Variants in ROBO1 observed in about 807,000 individuals in gnomAD.
ROBO1 encodes the protein roundabout guidance receptor 1, also known as roundabout homolog 1.
Under a neutral mutation model 195.9 loss-of-function variants are expected in ROBO1, and 149 were observed. The ratio of observed to expected loss-of-function variants is 0.76; its 90% CI spans 0.67 to 0.87. The LOEUF (loss-of-function observed/expected upper bound fraction) is 0.87, where lower values mean the gene tolerates loss of function less well. ROBO1 is among the 40% of genes least tolerant of loss of function. The probability of loss-of-function intolerance (pLI) is 0.00; values close to 1 mark genes in which losing one functional copy is unlikely to be tolerated. For synonymous variants in ROBO1, 816 were observed against 733.2 expected (o/e 1.11, Z -1.82); for missense variants, 1,933 against 2,068.3 (o/e 0.93, Z 1.27).
At chr3:79,555,373 C>A (rs1175685119) in intron 2 of ROBO1, among the ~76,000 whole-genome samples, 1 of 151,964 alleles carries the variant, frequency 6.6e-6, no homozygotes, top group Non-Finnish European at 1.5e-5. Context: ...CTACAAGAAG[C>A]ATATGATTAA....
intron 3 of ROBO1, chr3:79,018,626 G>T: frequency 6.9e-7 from 1 of 1,448,696 alleles, no homozygotes; most frequent in Non-Finnish European, 9.1e-7. Context: ...CTTTCCGGAC[G>T]CTTGTCAGTA....
intron 2 of ROBO1, among the ~76,000 whole-genome samples, chr3:79,290,166 G>T (rs548755703): frequency 1.3e-5 from 2 of 152,136 alleles, no homozygotes; most frequent in Admixed American, 6.5e-5. Flanking sequence ...AGCCTCCCTA[G>T]TAGCTGGGAG....
intron 2 of ROBO1, among the ~76,000 whole-genome samples, chr3:79,491,200 A>G (rs1939435185): frequency 6.7e-6 from 1 of 148,418 alleles, no homozygotes; most frequent in Non-Finnish European, 1.5e-5. Flanking sequence ...AATGGAAGGA[A>G]AGGGGTGGAC....
At chr3:79,688,032 T>C (rs2107046934) in intron 1 of ROBO1, among the ~76,000 whole-genome samples, 1 of 152,112 alleles carries the variant, frequency 6.6e-6, no homozygotes, top group Non-Finnish European at 1.5e-5. Flanking sequence ...ATGGAATCTA[T>C]GCAGCCATAA....
intron 16 of ROBO1, chr3:78,660,590 C>T (rs1707332279): frequency 6.4e-6 from 1 of 157,090 alleles, no homozygotes; most frequent in Admixed American, 6.3e-5. Flanking sequence ...TTGTCTAGAA[C>T]TGAGGTGTTT....
At position 78,670,312 on chromosome 3, in the gene ROBO1, AAAC is replaced by A. The variant is rs1707995510; in HGVS notation, c.1343-14_1343-12del. On this transcript the variant is annotated splice_polypyrimidine_tract_variant and intron_variant, in intron 10 of 30. Coordinates refer to ENST00000464233, the MANE Select transcript of ROBO1 (RefSeq NM_002941.4). The stretch of plus-strand genomic sequence containing the variant: ...GCCGATCTGCAATCACTGCCAGAAG[AAAC>A]AACAGGAAATAGATTTCTGCAACTG... 2 of 1,551,332 alleles carry A rather than the reference AAAC, an allele frequency of 1.3e-6. No individual in the cohort carries two copies. Among genetic ancestry groups the A allele is most frequent in the Admixed American group, 2.0e-5 (1 of 51,076 alleles).
At chr3:79,123,444 T>G (rs1021204620) in intron 3 of ROBO1, among the ~76,000 whole-genome samples, 11 of 152,046 alleles carry the variant, frequency 7.2e-5, no homozygotes, top group Admixed American at 3.3e-4. Context: ...ACAGTTGTCA[T>G]GATGCAGTCA....
chr3:79,113,715 C>T (rs890829104), intron 3 of ROBO1, among the ~76,000 whole-genome samples: 8 of 151,964 alleles, frequency 5.3e-5, no homozygotes, highest in South Asian at 4.2e-4. Context: ...TGCAGTGAGC[C>T]GAGATCCTGC....
intron 2 of ROBO1, among the ~76,000 whole-genome samples, chr3:79,136,229 T>G (rs1226865792): frequency 6.6e-6 from 1 of 152,154 alleles, no homozygotes; most frequent in African/African-American, 2.4e-5. Flanking sequence ...ATTCAGAATT[T>G]TATTTATTTA....
chr3:79,383,197 C>A (rs2036629360), intron 2 of ROBO1, among the ~76,000 whole-genome samples: 1 of 152,060 alleles, frequency 6.6e-6, no homozygotes, highest in Non-Finnish European at 1.5e-5. Flanking sequence ...CAATGCCACA[C>A]AATGAAATGT....
At chr3:79,149,799 C>T (rs955978855) in intron 2 of ROBO1, among the ~76,000 whole-genome samples, 6 of 151,740 alleles carry the variant, frequency 4.0e-5, no homozygotes, top group Non-Finnish European at 7.4e-5. Flanking sequence ...GCATGTCCAT[C>T]GCCCAAGTTC....
chr3:78,747,511 C>A (rs13068833), intron 4 of ROBO1, among the ~76,000 whole-genome samples: 145,596 of 152,208 alleles, frequency 0.96, 69,947 homozygotes, highest in East Asian at 1. Context: ...ATTACTGAGA[C>A]TGTTAGAAGG....
chr3:79,392,170 A>G (rs2036977910), intron 2 of ROBO1, among the ~76,000 whole-genome samples: 1 of 152,178 alleles, frequency 6.6e-6, no homozygotes, highest in African/African-American at 2.4e-5. Context: ...GCAACCACGG[A>G]ATGGACATTC....
chr3:78,828,935 T>C (rs1195274595), intron 4 of ROBO1, among the ~76,000 whole-genome samples: 8 of 152,212 alleles, frequency 5.3e-5, no homozygotes, highest in Admixed American at 5.2e-4. Flanking sequence ...AAAAAAACTT[T>C]CATATATTCT....
At chr3:79,728,370 A>C (rs950872378) in intron 1 of ROBO1, among the ~76,000 whole-genome samples, 1 of 152,152 alleles carries the variant, frequency 6.6e-6, no homozygotes, top group African/African-American at 2.4e-5. Flanking sequence ...TTGATAAAGA[A>C]AACATGTATG....
intron 5 of ROBO1, among the ~76,000 whole-genome samples, chr3:78,740,442 TTTTCTTTTTTTCTTTC>T (rs1226166558): frequency 3.2e-5 from 2 of 61,668 alleles, no homozygotes; most frequent in African/African-American, 4.9e-5. Context: ...TATTTCTTAT[TTTTCTTTTTTTCTTTC>T]TTTCTTTCTT....
intron 3 of ROBO1, among the ~76,000 whole-genome samples, chr3:78,979,686 G>C (rs1330785305): frequency 6.6e-6 from 1 of 152,022 alleles, no homozygotes; most frequent in Non-Finnish European, 1.5e-5. Context: ...ATTGAAATCT[G>C]TCCCCAGAGT....
intron 2 of ROBO1, among the ~76,000 whole-genome samples, chr3:79,419,778 G>C (rs1387842142): frequency 6.6e-6 from 1 of 151,864 alleles, no homozygotes; most frequent in Non-Finnish European, 1.5e-5. Flanking sequence ...CTAGCCTTTG[G>C]GTTTGAATAT....
chr3:78,615,086 C>T (rs1273610411), intron 27 of ROBO1, among the ~76,000 whole-genome samples: 1 of 152,070 alleles, frequency 6.6e-6, no homozygotes, highest in Non-Finnish European at 1.5e-5. Flanking sequence ...GAAAAGTATT[C>T]CAATTATTTT....
Sources: gnomAD v4.1 joint callset for allele counts (sites outside exome capture counted in the v4.1 genomes callset) on GRCh38, gnomAD v4.1.1 for gene constraint, MANE v1.5 for transcripts, NCBI Gene and HGNC (gene_info 2026-07-23, HGNC 2026-07-21) for gene names.